Variants in EEA1 observed in about 807,000 individuals in gnomAD.
The protein encoded by EEA1 is early endosome antigen 1.
Under a neutral mutation model 209.2 loss-of-function variants are expected in EEA1, and 111 were observed. That is an observed-to-expected ratio of 0.53 (90% CI 0.45 to 0.62). The LOEUF (loss-of-function observed/expected upper bound fraction) is 0.62. Among genes scored for constraint, EEA1 ranks in the 20% least tolerant of loss-of-function variants. The pLI is 0.00. For missense variants in EEA1, 1,343 were observed against 1,530.8 expected (o/e 0.88, Z 2.05); for synonymous variants, 536 against 540.6 (o/e 0.99, Z 0.12).
At chr12:92,827,512 A>AC (rs1228429081) in intron 12 of EEA1, among the ~76,000 whole-genome samples, 1 of 152,238 alleles carries the variant, frequency 6.6e-6, no homozygotes, top group East Asian at 1.9e-4. Context: ...TATATGCTTA[A>AC]TTTTTAAAAG....
At chr12:92,874,457 C>G (rs1878789663) in intron 2 of EEA1, among the ~76,000 whole-genome samples, 1 of 152,254 alleles carries the variant, frequency 6.6e-6, no homozygotes, top group Non-Finnish European at 1.5e-5. Flanking sequence ...CCTCTGCCTC[C>G]CAGGTTCAAG....
At chr12:92,852,496 A>G (rs557604703) in intron 7 of EEA1, among the ~76,000 whole-genome samples, 200 bp from the exon 8 acceptor site, 2 of 152,248 alleles carry the variant, frequency 1.3e-5, no homozygotes, top group African/African-American at 2.4e-5. Context: ...TCCACTCAAC[A>G]TTAAGTTAAT....
intron 1 of EEA1, among the ~76,000 whole-genome samples, chr12:92,923,541 TC>T (rs1881093966): frequency 6.6e-6 from 1 of 152,118 alleles, no homozygotes; most frequent in South Asian, 2.1e-4. Context: ...CCTTTTTCCC[TC>T]CTTGCCTGAG....
In EEA1 at chr12:92,827,953, C is replaced by T. The variant is rs1565824480; in HGVS notation, c.1363G>A (p.Val455Met). The T allele has an allele frequency of 1.3e-6, 2 of 1,589,986 alleles. No homozygotes were observed. The highest frequency in any genetic ancestry group is 3.6e-5 in the Admixed American group (2 of 55,454). ...GAAAGTTTGAGTTGTAAATCAGCCA[C>T]TTGTTGTTCTTTATCCATCAACTTT... ...SEKLMDKEQQVADLQLKLSRL... is the reference protein window; with the variant it reads ...SEKLMDKEQQMADLQLKLSRL... The change falls in exon 12 of 29, where the codon GTG becomes ATG. Residue 455 changes from valine (V) to methionine (M), a missense_variant. Around this residue, in one of 3 missense-constraint regions of EEA1, gnomAD observed 1,307 missense variants for 1,465.5 expected, o/e 0.89. Coordinates refer to ENST00000322349, the MANE Select transcript of EEA1 (RefSeq NM_003566.4).
At chr12:92,900,586 A>G (rs919727341) in intron 1 of EEA1, among the ~76,000 whole-genome samples, 2 of 151,872 alleles carry the variant, frequency 1.3e-5, no homozygotes, top group African/African-American at 4.8e-5. Context: ...TTAATGATAC[A>G]CTCATGGATG....
At position 92,801,620 on chromosome 12, in the gene EEA1, A is replaced by C. The variant is rs985760869; in HGVS notation, c.2752T>G (p.Ser918Ala). The change falls in exon 20 of 29, where the codon TCA becomes GCA. Residue 918 changes from serine (S) to alanine (A), a missense_variant. Ser to Ala is a moderately conservative substitution (Grantham distance 99, BLOSUM62 1). Coordinates refer to ENST00000322349, the MANE Select transcript of EEA1 (RefSeq NM_003566.4). ...CTTACCTCCTTCTCTTTTTCAAGTGACTTTTTCAGTTCCTTCTGTTCCTTA... is the reference window on the plus strand; with the variant it reads ...CTTACCTCCTTCTCTTTTTCAAGTGCCTTTTTCAGTTCCTTCTGTTCCTTA... ...TLKEQKELKK[S>A]LEKEKEASHQ... The C allele has an allele frequency of 1.3e-6, 2 of 1,589,310 alleles. No individual in the cohort carries two copies. Among genetic ancestry groups the C allele is most frequent in the African/African-American group, 2.7e-5 (2 of 73,436 alleles).
chr12:92,774,293 T>C lies in EEA1; in HGVS notation c.*1718A>G, dbSNP rs1329199057. On this transcript the variant is annotated 3_prime_UTR_variant, in exon 29 of 29. Transcript: ENST00000322349. The stretch of plus-strand genomic sequence containing the variant: ...CCAAGTCCAGGGACTTAATCAATGT[T>C]CTTAATAGCTAATGACAACAGGGTT... 2 of 151,518 alleles carry C rather than the reference T, an allele frequency of 1.3e-5. No individual in the cohort carries two copies. Among genetic ancestry groups the C allele is most frequent in the African/African-American group, 4.8e-5 (2 of 41,392 alleles). 9.4% of individuals were successfully genotyped at this position (151,518 alleles called of 1,614,324 possible). A position where few individuals can be genotyped will look rare whatever the true frequency, so the allele number is the denominator to read the frequency against.
At chr12:92,916,316 C>T (rs933433603) in intron 1 of EEA1, among the ~76,000 whole-genome samples, 42 of 151,960 alleles carry the variant, frequency 2.8e-4, no homozygotes, top group African/African-American at 9.9e-4. Context: ...ATTTCTTGAA[C>T]AGAGATCTGT....
At chr12:92,817,538 T>C (rs1055726088) in intron 14 of EEA1, among the ~76,000 whole-genome samples, 1 of 152,086 alleles carries the variant, frequency 6.6e-6, no homozygotes, top group Admixed American at 6.6e-5. Context: ...TCCACTGCTA[T>C]CTCCATCATT....
chr12:92,865,694 A>G (rs1435455596), intron 2 of EEA1, among the ~76,000 whole-genome samples: 1 of 151,740 alleles, frequency 6.6e-6, no homozygotes, highest in Non-Finnish European at 1.5e-5. Flanking sequence ...AAATCAACTT[A>G]CTGGGTTGCA....
At chr12:92,817,801 G>C (rs979703602) in intron 14 of EEA1, among the ~76,000 whole-genome samples, 3 of 152,092 alleles carry the variant, frequency 2.0e-5, no homozygotes, top group African/African-American at 4.8e-5. Flanking sequence ...TGGTTCTACT[G>C]GATCCTTTTA....
chr12:92,928,961 TGAG>T (rs1217832611), intron 1 of EEA1, 79 bp downstream of exon 1: 18 of 1,443,600 alleles, frequency 1.2e-5, no homozygotes, highest in Non-Finnish European at 1.7e-5. Context: ...GAGCCCGCGC[TGAG>T]GAGGGGCGCC....
At chr12:92,905,294 T>G (rs1376477246) in intron 1 of EEA1, among the ~76,000 whole-genome samples, 1 of 152,122 alleles carries the variant, frequency 6.6e-6, no homozygotes, top group Non-Finnish European at 1.5e-5. Context: ...TTCCAAGTAT[T>G]TACTTCAAAT....
chr12:92,777,488 C>G, intron 27 of EEA1, 55 bp downstream of exon 27: 1 of 1,527,632 alleles, frequency 6.5e-7, no homozygotes, highest in Non-Finnish European at 8.8e-7. Context: ...ATATGCTTTT[C>G]ACTAATAAGC....
chr12:92,888,924 T>C (rs917983029), intron 2 of EEA1, among the ~76,000 whole-genome samples: 2 of 152,018 alleles, frequency 1.3e-5, no homozygotes, highest in African/African-American at 2.4e-5. Context: ...CCAAGGCAGA[T>C]GGATCACTTG....
At chr12:92,776,384 G>A (rs1873659302) in intron 28 of EEA1, among the ~76,000 whole-genome samples, 1 of 151,766 alleles carries the variant, frequency 6.6e-6, no homozygotes, top group South Asian at 2.1e-4. Flanking sequence ...AGAACCAGAG[G>A]AGGCATTTAA....
In EEA1 at chr12:92,929,114, G is replaced by C; in HGVS notation, c.-48C>G. 6.4e-7 allele frequency: 1 copy of C among 1,559,146 alleles called. No homozygotes were observed. The highest frequency in any genetic ancestry group is 2.5e-5 in the East Asian group (1 of 39,296). Reference sequence around the variant, plus strand: ...GCCGCGGTGACTCTCCAGACCCTGCGCGGGGCCACTCACTACTCGGGGTGC... The same window carrying C: ...GCCGCGGTGACTCTCCAGACCCTGCCCGGGGCCACTCACTACTCGGGGTGC... On this transcript the variant is annotated 5_prime_UTR_variant, in exon 1 of 29. Transcript: ENST00000322349.
intron 5 of EEA1, among the ~76,000 whole-genome samples, chr12:92,856,960 CA>C (rs1877910547): frequency 6.6e-6 from 1 of 151,604 alleles, no homozygotes; most frequent in South Asian, 2.1e-4. Flanking sequence ...TTTGTAGAGA[CA>C]GGGGTCTCCC....
chr12:92,806,942 A>ATTTTTTTTTTTTTTTTT (rs34717047), intron 18 of EEA1, among the ~76,000 whole-genome samples: 63 of 147,464 alleles, frequency 4.3e-4, no homozygotes, highest in African/African-American at 1.6e-3. Context: ...TTTTTTAATA[A>ATTTTTTTTTTTTTTTTT]TTTTTTTTTT....
Sources: gnomAD v4.1 joint callset for allele counts (sites outside exome capture counted in the v4.1 genomes callset) on GRCh38, gnomAD v4.1.1 for gene constraint, gnomAD v4.1.1 regional missense constraint, MANE v1.5 for transcripts, NCBI Gene and HGNC (gene_info 2026-07-23, HGNC 2026-07-21) for gene names.